Variants in RALGPS1 observed in about 807,000 individuals in gnomAD.
RALGPS1 encodes the protein Ral GEF with PH domain and SH3 binding motif 1.
In RALGPS1, 19 loss-of-function variants were observed where a neutral mutation model predicts 78.8. That is an observed-to-expected ratio of 0.24 (90% confidence interval 0.17 to 0.35). The LOEUF is 0.35. RALGPS1 is among the 10% of genes least tolerant of loss of function. RALGPS1 has a pLI of 1.00. For synonymous variants in RALGPS1, 228 were observed against 256.3 expected (o/e 0.89, Z 1.06); for missense variants, 454 against 688.3 (o/e 0.66, Z 3.81).
chr9:127,202,488 G>A (rs2061686424), intron 14 of RALGPS1, among the ~76,000 whole-genome samples: 1 of 152,118 alleles, frequency 6.6e-6, no homozygotes, highest in Non-Finnish European at 1.5e-5. Context: ...GGTGGGAATG[G>A]GTCTGTTCCT....
At chr9:126,946,533 C>CAA (rs61279292) in intron 1 of RALGPS1, among the ~76,000 whole-genome samples, 19,353 of 75,922 alleles carry the variant, frequency 0.25, 2,843 homozygotes, top group Non-Finnish European at 0.34. Context: ...GAATCTGTCT[C>CAA]AAAAAAAAAA....
chr9:127,041,031 T>TTGTGTGTGTGTGTGTGTGTGTGTGTGTG (rs58541875), intron 5 of RALGPS1, among the ~76,000 whole-genome samples: 1 of 135,716 alleles, frequency 7.4e-6, no homozygotes, highest in Non-Finnish European at 1.6e-5. Flanking sequence ...CTACAAACAT[T>TTGTGTGTGTGTGTGTGTGTGTGTGTGTG]TGTGTGTGTG....
intron 18 of RALGPS1, chr9:127,217,215 G>A: frequency 8.2e-7 from 1 of 1,223,562 alleles, no homozygotes; most frequent in Non-Finnish European, 1.0e-6. Flanking sequence ...AAGGATTTTT[G>A]TCTGATTTTC....
intron 8 of RALGPS1, among the ~76,000 whole-genome samples, chr9:127,135,771 C>T (rs2138427455): frequency 6.6e-6 from 1 of 152,336 alleles, no homozygotes; most frequent in South Asian, 2.1e-4. Context: ...AAGAGCAGAA[C>T]TCTATCCTAC....
intron 8 of RALGPS1, among the ~76,000 whole-genome samples, chr9:127,138,771 G>C (rs889371693): frequency 6.6e-6 from 1 of 152,052 alleles, no homozygotes. Context: ...AGAGAGCTGC[G>C]TGAGGACTCC....
intron 11 of RALGPS1, chr9:127,184,097 A>G: frequency 1.3e-6 from 2 of 1,517,732 alleles, no homozygotes; most frequent in Non-Finnish European, 8.9e-7. Context: ...AAGCCGAAGC[A>G]GGAGGATCAC....
intron 11 of RALGPS1, among the ~76,000 whole-genome samples, chr9:127,194,323 T>C (rs1372117052): frequency 6.6e-6 from 1 of 152,244 alleles, no homozygotes; most frequent in East Asian, 1.9e-4. Flanking sequence ...TGTCTAGCTG[T>C]GCTCTTGCCC....
chr9:127,185,827 A>G (rs1296825224), intron 11 of RALGPS1, among the ~76,000 whole-genome samples: 2 of 152,198 alleles, frequency 1.3e-5, no homozygotes, highest in Non-Finnish European at 2.9e-5. Context: ...CCCCGAGGTC[A>G]GGACTCAGGA....
chr9:127,115,097 T>G (rs903184567), intron 8 of RALGPS1, among the ~76,000 whole-genome samples: 2 of 152,242 alleles, frequency 1.3e-5, no homozygotes, highest in African/African-American at 4.8e-5. Context: ...CCAGCTGTAC[T>G]CTATCTCATT....
At chr9:126,944,821 G>A (rs2037108460) in intron 1 of RALGPS1, among the ~76,000 whole-genome samples, 2 of 152,084 alleles carry the variant, frequency 1.3e-5, no homozygotes, top group Admixed American at 1.3e-4. Flanking sequence ...CCAGTCTAGG[G>A]TCCCTCAGTG....
intron 1 of RALGPS1, among the ~76,000 whole-genome samples, chr9:126,921,774 G>C (rs1272409161): frequency 2.0e-5 from 3 of 152,174 alleles, no homozygotes. Context: ...TGTGTGGTTC[G>C]TACAGGGTTT....
chr9:126,999,073 C>G (rs112335260), intron 4 of RALGPS1, among the ~76,000 whole-genome samples: 1 of 148,508 alleles, frequency 6.7e-6, no homozygotes, highest in Non-Finnish European at 1.5e-5. Flanking sequence ...TGCTAAATGA[C>G]GAGTTAATGG....
intron 8 of RALGPS1, among the ~76,000 whole-genome samples, chr9:127,072,411 C>T (rs937230597): frequency 5.3e-5 from 8 of 152,150 alleles, no homozygotes; most frequent in Admixed American, 1.3e-4. Flanking sequence ...GACGAGGTTT[C>T]GCCATGTTGC....
chr9:127,162,569 C>T (rs957487769), intron 8 of RALGPS1, among the ~76,000 whole-genome samples: 3 of 152,214 alleles, frequency 2.0e-5, no homozygotes, highest in African/African-American at 7.2e-5. Flanking sequence ...CCCCACATCA[C>T]TGGAGCCAGG....
intron 1 of RALGPS1, among the ~76,000 whole-genome samples, chr9:126,952,016 T>C (rs1328204717): frequency 6.6e-6 from 1 of 152,236 alleles, no homozygotes; most frequent in East Asian, 1.9e-4. Context: ...AGCATTCTTA[T>C]ACACCAATAA....
At chr9:127,100,437 C>T (rs1259247970) in intron 8 of RALGPS1, among the ~76,000 whole-genome samples, 2 of 152,154 alleles carry the variant, frequency 1.3e-5, no homozygotes, top group Non-Finnish European at 2.9e-5. Context: ...AGCATTGCGT[C>T]GCTCTTAGGT....
intron 4 of RALGPS1, among the ~76,000 whole-genome samples, chr9:126,979,210 A>G (rs2132720455): frequency 6.6e-6 from 1 of 151,422 alleles, no homozygotes; most frequent in South Asian, 2.1e-4. Flanking sequence ...TTATGTGAAG[A>G]CGTGGCAGTT....
chr9:127,214,718 CTCT>C, intron 17 of RALGPS1, 30 bp from the exon 18 acceptor site: 1 of 1,581,152 alleles, frequency 6.3e-7, no homozygotes, highest in Non-Finnish European at 8.6e-7. Context: ...CTACGTGGCC[CTCT>C]TCTTAACTCA....
In RALGPS1 at chr9:127,215,608, G is replaced by A. The variant is rs1044015795; in HGVS notation, c.1644+766G>A. ...GAACCCAGGTCTGCCTGACTCCCCCGATTGTCTGCTTGTTGCCCCTGAGCC... is the reference window on the plus strand; with the variant it reads ...GAACCCAGGTCTGCCTGACTCCCCCAATTGTCTGCTTGTTGCCCCTGAGCC... On this transcript the variant is annotated intron_variant, in intron 18 of 18. Transcript: ENST00000259351. Among the ~76,000 whole-genome samples the A allele has an allele frequency of 3.9e-5, 6 of 152,264 alleles. No individual in the cohort carries two copies. The South Asian group carries it at 8.3e-4, about 21-fold the overall frequency.
Sources: allele counts gnomAD v4.1 joint callset (sites outside exome capture counted in the v4.1 genomes callset), GRCh38; gene constraint gnomAD v4.1.1; transcripts MANE v1.5; gene names NCBI Gene and HGNC (gene_info 2026-07-23, HGNC 2026-07-21).